CNTN5: variants seen among roughly 807,000 people sequenced by gnomAD.
CNTN5 encodes contactin-5.
A neutral mutation model predicts 129.1 loss-of-function variants in CNTN5; 77 were observed. The observed-to-expected ratio is 0.60, with a 90% CI of 0.50 to 0.72. The LOEUF is 0.72. CNTN5 is among the 30% of genes least tolerant of loss of function. The pLI, the probability that CNTN5 is intolerant of heterozygous loss-of-function variation, is 0.00. For synonymous variants in CNTN5, 509 were observed against 465.6 expected, an observed-to-expected ratio of 1.09 and a Z score of -1.20; for missense variants, 1,478 against 1,328.8, an observed-to-expected ratio of 1.11 and a Z score of -1.75.
At chr11:99,262,430 T>G (rs1179196819) in intron 1 of CNTN5, among the ~76,000 whole-genome samples, 1 of 152,038 alleles carries the variant, frequency 6.6e-6, no homozygotes, top group Non-Finnish European at 1.5e-5. Context: ...ATTGAGCATC[T>G]TCTACGGGAA....
At chr11:99,538,788 T>C (rs1565274211) in intron 2 of CNTN5, among the ~76,000 whole-genome samples, 1 of 152,122 alleles carries the variant, frequency 6.6e-6, no homozygotes, top group Non-Finnish European at 1.5e-5. Flanking sequence ...CATGTATCTC[T>C]TGTTTCTAAG....
At chr11:99,742,080 A>AACAACAT (rs956061352) in intron 3 of CNTN5, among the ~76,000 whole-genome samples, 1 of 152,184 alleles carries the variant, frequency 6.6e-6, no homozygotes, top group African/African-American at 2.4e-5. Context: ...ATGTGCAAGC[A>AACAACAT]ACAACATAAA....
intron 3 of CNTN5, among the ~76,000 whole-genome samples, chr11:99,572,760 G>GT (rs200944884): frequency 0.034 from 1,037 of 30,168 alleles, 6 homozygotes; most frequent in Non-Finnish European, 0.15. Flanking sequence ...ATAATTGAGG[G>GT]TTTTTTTTAA....
At chr11:100,215,712 T>C (rs1474378725) in intron 15 of CNTN5, among the ~76,000 whole-genome samples, 1 of 152,136 alleles carries the variant, frequency 6.6e-6, no homozygotes, top group Non-Finnish European at 1.5e-5. Context: ...GCTGGGGATA[T>C]TAAATGTAAT....
chr11:99,479,144 C>T (rs1047003465), intron 2 of CNTN5, among the ~76,000 whole-genome samples: 6 of 151,948 alleles, frequency 3.9e-5, no homozygotes, highest in South Asian at 2.1e-4. Flanking sequence ...ATCAACTGGT[C>T]ATCCTCTTCT....
chr11:99,627,817 G>A lies in CNTN5; in HGVS notation c.55+71548G>A, dbSNP rs1212820418. Reference sequence around the variant, plus strand: ...ATAGAGCACTGACAAGTCTTGTGCAGACAGGTTAAATGTTTTATTTATCTC... The same window carrying A: ...ATAGAGCACTGACAAGTCTTGTGCAAACAGGTTAAATGTTTTATTTATCTC... On this transcript the variant is annotated intron_variant, in intron 3 of 24. Coordinates refer to ENST00000524871, the MANE Select transcript of CNTN5 (RefSeq NM_014361.4). Among the ~76,000 whole-genome samples the A allele has an allele frequency of 2.0e-5, 3 of 151,712 alleles. No individual in the cohort carries two copies. In the South Asian group the frequency reaches 6.3e-4, roughly 32 times the overall value.
At chr11:99,230,068 T>C (rs1010603104) in intron 1 of CNTN5, among the ~76,000 whole-genome samples, 5 of 152,160 alleles carry the variant, frequency 3.3e-5, no homozygotes, top group Admixed American at 6.6e-5. Flanking sequence ...TGTGATTGAT[T>C]TCTGTCTGGA....
intron 21 of CNTN5, among the ~76,000 whole-genome samples, chr11:100,328,078 T>A (rs1291574253): frequency 6.6e-6 from 1 of 151,984 alleles, no homozygotes. Context: ...AGGCCAGGCA[T>A]GATAGCTCAC....
chr11:99,536,802 G>A (rs561810577), intron 2 of CNTN5, among the ~76,000 whole-genome samples: 21 of 143,948 alleles, frequency 1.5e-4, no homozygotes, highest in Non-Finnish European at 2.4e-4. Flanking sequence ...AATACAAAAA[G>A]AGTCACAAAA....
In CNTN5 at chr11:99,486,303, A is replaced by G. The variant is rs1212469548; in HGVS notation, c.-70-69842A>G. The stretch of plus-strand genomic sequence containing the variant: ...TTATATAATAATATTTCCATTATGC[A>G]TTATACTTTTGTCTATGCTTATGTC... On this transcript the variant is annotated intron_variant, in intron 2 of 24. Coordinates refer to ENST00000524871, the MANE Select transcript of CNTN5 (RefSeq NM_014361.4). Among the ~76,000 whole-genome samples the G allele has an allele frequency of 2.6e-5, 4 of 152,108 alleles. No homozygotes were observed. In the South Asian group the frequency reaches 6.2e-4, roughly 24 times the overall value.
intron 13 of CNTN5, among the ~76,000 whole-genome samples, chr11:100,095,021 A>C (rs1944955731): frequency 6.6e-6 from 1 of 152,130 alleles, no homozygotes; most frequent in African/African-American, 2.4e-5. Context: ...AATATAAAGC[A>C]CTTTCACTCC....
At chr11:99,944,920 G>A (rs1331026717) in intron 7 of CNTN5, among the ~76,000 whole-genome samples, 2 of 152,080 alleles carry the variant, frequency 1.3e-5, no homozygotes, top group Non-Finnish European at 2.9e-5. Flanking sequence ...AGTAGTACTT[G>A]TACTTGGATT....
chr11:99,375,512 TAAATC>T (rs1306479050), intron 2 of CNTN5, among the ~76,000 whole-genome samples: 1 of 152,116 alleles, frequency 6.6e-6, no homozygotes, highest in East Asian at 1.9e-4. Context: ...TAAAGAACAA[TAAATC>T]AAAGTTCTTG....
chr11:99,188,246 A>G (rs1858453992), intron 1 of CNTN5, among the ~76,000 whole-genome samples: 1 of 151,782 alleles, frequency 6.6e-6, no homozygotes, highest in African/African-American at 2.4e-5. Flanking sequence ...ATAAATAAAC[A>G]TGTATATATG....
chr11:100,256,831 C>CT (rs1950081137), intron 17 of CNTN5, among the ~76,000 whole-genome samples: 1 of 152,098 alleles, frequency 6.6e-6, no homozygotes, highest in Non-Finnish European at 1.5e-5. Context: ...CCTCAGGTGC[C>CT]TATGGCACCA....
intron 13 of CNTN5, among the ~76,000 whole-genome samples, chr11:100,166,856 A>T (rs1947654354): frequency 6.6e-6 from 1 of 151,830 alleles, no homozygotes; most frequent in African/African-American, 2.4e-5. Flanking sequence ...CAGTTATCTT[A>T]GTTTTAGAGT....
At chr11:99,562,550 A>G (rs181110193) in intron 3 of CNTN5, among the ~76,000 whole-genome samples, 251 of 152,252 alleles carry the variant, frequency 1.6e-3, no homozygotes, top group Middle Eastern at 0.014. Flanking sequence ...ATGAGATGTT[A>G]ATAGGAAAAA....
chr11:99,671,698 C>T (rs1052960716), intron 3 of CNTN5, among the ~76,000 whole-genome samples: 3 of 152,160 alleles, frequency 2.0e-5, no homozygotes, highest in Non-Finnish European at 2.9e-5. Flanking sequence ...TGTTCTATCT[C>T]TGAAGTGTCC....
At chr11:99,147,681 T>C (rs1292827637) in intron 1 of CNTN5, among the ~76,000 whole-genome samples, 2 of 152,200 alleles carry the variant, frequency 1.3e-5, no homozygotes, top group Non-Finnish European at 2.9e-5. Flanking sequence ...CTGATTGTGA[T>C]TATTTATTAA....
Sources: gnomAD v4.1 joint callset for allele counts (sites outside exome capture counted in the v4.1 genomes callset) on GRCh38, gnomAD v4.1.1 for gene constraint, MANE v1.5 for transcripts, NCBI Gene and HGNC (gene_info 2026-07-23, HGNC 2026-07-21) for gene names.